Variants in CAST observed in about 807,000 individuals in gnomAD.
CAST encodes the protein calpastatin.
A neutral mutation model predicts 119.6 loss-of-function variants in CAST; 76 were observed. The observed-to-expected ratio is 0.64, with a 90% CI of 0.53 to 0.77. CAST has a LOEUF of 0.77. Among genes scored for constraint, CAST ranks in the 30% least tolerant of loss-of-function variants. CAST has a pLI of 0.00. For synonymous variants in CAST, 319 were observed against 331.6 expected (o/e 0.96, Z 0.41); for missense variants, 953 against 946.5 (o/e 1.01, Z -0.09).
the CAST span, chr5:96,397,330 A>G: frequency 7.4e-6 from 12 of 1,612,560 alleles, no homozygotes; most frequent in Non-Finnish European, 1.0e-5. Flanking sequence ...TCTCATTCAC[A>G]CTTACCATGT....
chr5:96,517,530 T>C, the CAST span, among the ~76,000 whole-genome samples: 1 of 152,126 alleles, frequency 6.6e-6, no homozygotes, highest in Non-Finnish European at 1.5e-5. Flanking sequence ...TGAAATCAGA[T>C]ATAGAGGAGA....
At chr5:95,984,962 T>G in the CAST span, among the ~76,000 whole-genome samples, 1 of 141,306 alleles carries the variant, frequency 7.1e-6, no homozygotes, top group Non-Finnish European at 1.5e-5. Context: ...TTGAATATAC[T>G]GAGATAAAGA....
chr5:96,328,379 CTCCCTCTCT>C, the CAST span, among the ~76,000 whole-genome samples: 1 of 2,750 alleles, frequency 3.6e-4, no homozygotes, highest in East Asian at 3.1e-3. Context: ...TTCCTTCTCT[CTCCCTCTCT>C]CTCTCTCTCT....
At chr5:96,532,245 C>T (rs543799663) in intron 1 of CAST, among the ~76,000 whole-genome samples, 43 of 152,212 alleles carry the variant, frequency 2.8e-4, no homozygotes, top group African/African-American at 9.9e-4. Flanking sequence ...GGCCTGACTG[C>T]AGATTTAAAG....
At chr5:96,702,906 T>C (rs1004637493) in intron 3 of CAST, 16 of 985,340 alleles carry the variant, frequency 1.6e-5, no homozygotes, top group Non-Finnish European at 1.9e-5. Context: ...GGGTCCGGTG[T>C]CCACGCAGAG....
chr5:96,665,632 C>T (rs1469866921), intron 1 of CAST, among the ~76,000 whole-genome samples: 2 of 151,970 alleles, frequency 1.3e-5, no homozygotes, highest in South Asian at 2.1e-4. Flanking sequence ...TACAAACATA[C>T]ACAAAATGCA....
chr5:96,021,971 G>A, the CAST span, among the ~76,000 whole-genome samples: 1 of 152,168 alleles, frequency 6.6e-6, no homozygotes, highest in Non-Finnish European at 1.5e-5. Flanking sequence ...AAGAAGGATG[G>A]TTACATCTGT....
At chr5:96,631,674 AG>A (rs1747820789) in intron 1 of CAST, among the ~76,000 whole-genome samples, 1 of 149,226 alleles carries the variant, frequency 6.7e-6, no homozygotes, top group Admixed American at 6.7e-5. Context: ...CTGGGACCAC[AG>A]GCGCCCGCCA....
At chr5:96,437,973 C>A in the CAST span, among the ~76,000 whole-genome samples, 1 of 152,190 alleles carries the variant, frequency 6.6e-6, no homozygotes, top group Non-Finnish European at 1.5e-5. Flanking sequence ...CCCTCTAGTA[C>A]CACACTGACA....
the CAST span, among the ~76,000 whole-genome samples, chr5:96,414,610 T>C: frequency 8.5e-5 from 13 of 152,176 alleles, no homozygotes; most frequent in African/African-American, 2.9e-4. Context: ...ATGGAAAACA[T>C]CAGTAGGCTT....
chr5:96,741,431 T>C, intron 14 of CAST, 63 bp from the exon 15 acceptor site: 1 of 1,482,064 alleles, frequency 6.7e-7, no homozygotes, highest in Non-Finnish European at 9.4e-7. Context: ...ACTTTTTAGT[T>C]CAGGCTATTA....
intron 1 of CAST, among the ~76,000 whole-genome samples, chr5:96,568,009 C>A (rs1309372262): frequency 6.6e-6 from 1 of 152,150 alleles, no homozygotes. Context: ...TCATTTTTAT[C>A]TGCTTCAGGG....
chr5:96,000,874 ATATTCT>A, the CAST span, among the ~76,000 whole-genome samples: 10 of 152,326 alleles, frequency 6.6e-5, no homozygotes, highest in East Asian at 1.5e-3. Flanking sequence ...AACGCAATTG[ATATTCT>A]TAGAGTGGGG....
intron 1 of CAST, among the ~76,000 whole-genome samples, chr5:96,544,785 T>C (rs1489342097): frequency 6.6e-6 from 1 of 151,774 alleles, no homozygotes; most frequent in Non-Finnish European, 1.5e-5. Context: ...TCAATGTGAA[T>C]GGTCTAAGTA....
At chr5:96,557,012 C>T (rs1039025694) in intron 1 of CAST, among the ~76,000 whole-genome samples, 3 of 152,060 alleles carry the variant, frequency 2.0e-5, no homozygotes, top group South Asian at 2.1e-4. Flanking sequence ...GGGGATCTCT[C>T]GGCAGAAACT....
At chr5:96,201,850 T>A in the CAST span, among the ~76,000 whole-genome samples, 50 of 152,236 alleles carry the variant, frequency 3.3e-4, 1 homozygote, top group African/African-American at 1.1e-3. Flanking sequence ...CAGGGCCCCA[T>A]CTCCTACGGT....
intron 1 of CAST, among the ~76,000 whole-genome samples, chr5:96,564,938 C>T (rs1004267272): frequency 1.3e-5 from 2 of 152,170 alleles, no homozygotes; most frequent in Admixed American, 1.3e-4. Flanking sequence ...TGCGAAGTAT[C>T]TATGAGCTCA....
intron 3 of CAST, among the ~76,000 whole-genome samples, chr5:96,713,302 T>C (rs920982895): frequency 2.0e-5 from 3 of 151,942 alleles, no homozygotes; most frequent in Admixed American, 6.6e-5. Context: ...CAGCTAACTT[T>C]CTGTATTTTT....
At chr5:96,655,064 G>A (rs1748140580) in intron 1 of CAST, among the ~76,000 whole-genome samples, 1 of 152,122 alleles carries the variant, frequency 6.6e-6, no homozygotes. Flanking sequence ...TAAATACATT[G>A]TCCTTCTAAG....
Sources: gnomAD v4.1 joint callset for allele counts (sites outside exome capture counted in the v4.1 genomes callset) on GRCh38, gnomAD v4.1.1 for gene constraint, MANE v1.5 for transcripts, NCBI Gene and HGNC (gene_info 2026-07-23, HGNC 2026-07-21) for gene names.